Variants in PHC3 observed in about 807,000 individuals in gnomAD.
PHC3 encodes the protein polyhomeotic-like protein 3.
In PHC3, 13 loss-of-function variants were observed where a neutral mutation model predicts 107.4. That is an observed-to-expected ratio of 0.12 (90% CI 0.08 to 0.19). The LOEUF (loss-of-function observed/expected upper bound fraction) is 0.19. PHC3 is among the 10% of genes least tolerant of loss of function. The pLI, the probability that PHC3 is intolerant of heterozygous loss-of-function variation, is 1.00. For missense variants in PHC3, 992 were observed against 1,210.9 expected, an observed-to-expected ratio of 0.82 and a Z score of 2.68; for synonymous variants, 456 against 427.4, an observed-to-expected ratio of 1.07 and a Z score of -0.83.
intron 6 of PHC3, among the ~76,000 whole-genome samples, chr3:170,138,272 AGC>A (rs1326171357): frequency 6.6e-6 from 1 of 152,204 alleles, no homozygotes. Flanking sequence ...TTCTATTCTA[AGC>A]TACTCAAAGA....
chr3:170,106,981 CA>C, intron 11 of PHC3, 35 bp from the exon 12 acceptor site: 1 of 1,507,700 alleles, frequency 6.6e-7, no homozygotes, highest in Non-Finnish European at 9.0e-7. Context: ...AAAAAGGTTC[CA>C]AAAATTTAAT....
intron 11 of PHC3, among the ~76,000 whole-genome samples, chr3:170,107,852 G>A (rs1374064555): frequency 6.6e-6 from 1 of 151,934 alleles, no homozygotes; most frequent in Non-Finnish European, 1.5e-5. Context: ...AAATCCCCGG[G>A]TACTCGGCAG....
chr3:170,156,568 C>A (rs1186483923), intron 4 of PHC3, among the ~76,000 whole-genome samples: 1 of 149,280 alleles, frequency 6.7e-6, no homozygotes, highest in Non-Finnish European at 1.5e-5. Flanking sequence ...GTAGTAATAG[C>A]TATCCATGAA....
intron 8 of PHC3, 54 bp downstream of exon 8, chr3:170,128,630 A>G (rs1056370948): frequency 6.4e-7 from 1 of 1,552,880 alleles, no homozygotes; most frequent in Non-Finnish European, 8.7e-7. Flanking sequence ...TGTGGGAAAA[A>G]ATAGTTTTTA....
chr3:170,102,532 T>C lies in PHC3; in HGVS notation c.2780A>G (p.Glu927Gly). The change falls in exon 14 of 15, where the codon GAG becomes GGG. Residue 927 changes from glutamate (E) to glycine (G), a missense_variant. Transcript: ENST00000495893. ...NSDLLPVAQT[E>G]PSIWTVDDVW... is the part of the protein sequence containing the mutation. The stretch of plus-strand genomic sequence containing the variant: ...ATCATCAACTGTCCATATAGATGGC[T>C]CTGTTTGTGCAACTGGTAGCAAGTC... 1 of 1,613,858 alleles carries C rather than the reference T, an allele frequency of 6.2e-7. No individual in the cohort carries two copies. The highest frequency in any genetic ancestry group is 8.5e-7 in the Non-Finnish European group (1 of 1,179,828).
At chr3:170,148,246 G>A (rs1482397450) in intron 5 of PHC3, 1 of 152,142 alleles carries the variant, frequency 6.6e-6, no homozygotes, top group Non-Finnish European at 1.5e-5. Context: ...TCTAGCCTGG[G>A]TGACAGAGTG....
At chr3:170,136,827 G>C (rs1723153112) in intron 6 of PHC3, among the ~76,000 whole-genome samples, 162 bp from the exon 7 acceptor site, 1 of 151,756 alleles carries the variant, frequency 6.6e-6, no homozygotes, top group Admixed American at 6.6e-5. Flanking sequence ...GGAAAGGAGA[G>C]TTATTATTCT....
intron 11 of PHC3, among the ~76,000 whole-genome samples, chr3:170,112,088 C>CA (rs1444166650): frequency 3.3e-5 from 5 of 152,048 alleles, no homozygotes; most frequent in African/African-American, 1.2e-4. Flanking sequence ...AATCTCAGCC[C>CA]AAAAAACAGT....
chr3:170,131,691 G>A (rs116117914), intron 7 of PHC3, among the ~76,000 whole-genome samples: 1,747 of 152,166 alleles, frequency 0.011, 29 homozygotes, highest in African/African-American at 0.039. Context: ...AAAATTAGCC[G>A]GGCTTGGTAA....
intron 9 of PHC3, among the ~76,000 whole-genome samples, chr3:170,118,897 G>A (rs1411106083): frequency 6.6e-6 from 1 of 151,654 alleles, no homozygotes; most frequent in Admixed American, 6.6e-5. Context: ...CTCTCAAAGT[G>A]CAGGTATAAG....
In PHC3 at chr3:170,167,289, C is replaced by T. The variant is rs1577246394; in HGVS notation, c.414+4084G>A. Among the ~76,000 whole-genome samples the T allele has an allele frequency of 2.6e-5, 4 of 152,310 alleles. No homozygotes were observed. The Middle Eastern group carries it at 0.01, about 391-fold the overall frequency. On this transcript the variant is annotated intron_variant, in intron 4 of 14. Transcript: ENST00000495893. ...TCAGCCTCCTAAGTAGCTGGAACTA[C>T]AGGCGCTTGCCACCACATCCAGCTA...
intron 6 of PHC3, 43 bp from the exon 7 acceptor site, chr3:170,136,708 T>A (rs1428007761): frequency 1.9e-6 from 3 of 1,592,068 alleles, no homozygotes; most frequent in Non-Finnish European, 2.6e-6. Context: ...AACAGATGGT[T>A]TTAATTGATG....
At chr3:170,132,392 C>T (rs140364918) in intron 7 of PHC3, among the ~76,000 whole-genome samples, 1,854 of 152,168 alleles carry the variant, frequency 0.012, 40 homozygotes, top group African/African-American at 0.042. Flanking sequence ...AGTCTAGGGC[C>T]CTGTTATGGA....
chr3:170,181,047 G>A (rs949055403), intron 1 of PHC3, among the ~76,000 whole-genome samples: 8 of 152,194 alleles, frequency 5.3e-5, no homozygotes, highest in South Asian at 4.1e-4. Context: ...CCGTCACACC[G>A]ACACACAAGA....
At chr3:170,141,760 C>A (rs1328266285) in intron 6 of PHC3, among the ~76,000 whole-genome samples, 1 of 151,964 alleles carries the variant, frequency 6.6e-6, no homozygotes, top group Non-Finnish European at 1.5e-5. Flanking sequence ...TACAGGCCCG[C>A]ACCACCACGC....
intron 3 of PHC3, 41 bp from the exon 4 acceptor site, chr3:170,171,491 G>C (rs777518042): frequency 7.1e-7 from 1 of 1,408,078 alleles, no homozygotes; most frequent in Admixed American, 2.4e-5. Flanking sequence ...GTAAAAACCT[G>C]AAGTTAAGAA....
At chr3:170,113,308 G>C in intron 11 of PHC3, 52 bp downstream of exon 11, 1 of 1,512,352 alleles carries the variant, frequency 6.6e-7, no homozygotes, top group Admixed American at 2.1e-5. Context: ...CCTGTTTTAA[G>C]CAGTAAAAGT....
intron 4 of PHC3, among the ~76,000 whole-genome samples, chr3:170,156,191 T>C (rs909280340): frequency 6.6e-6 from 1 of 152,178 alleles, no homozygotes; most frequent in African/African-American, 2.4e-5. Flanking sequence ...GCTTAAGTGA[T>C]TCTCCCATCT....
chr3:170,170,362 C>G (rs1729400907), intron 4 of PHC3: 1 of 149,550 alleles, frequency 6.7e-6, no homozygotes, highest in Non-Finnish European at 1.5e-5. Context: ...GGAGAAAGAC[C>G]ACAAGCTGCC....
Sources: gnomAD v4.1 joint callset for allele counts (sites outside exome capture counted in the v4.1 genomes callset) on GRCh38, gnomAD v4.1.1 for gene constraint, MANE v1.5 for transcripts, NCBI Gene and HGNC (gene_info 2026-07-23, HGNC 2026-07-21) for gene names.